Variants in MARCHF1 observed in about 807,000 individuals in gnomAD.
The protein encoded by MARCHF1 is E3 ubiquitin-protein ligase MARCHF1.
A neutral mutation model predicts 54.2 loss-of-function variants in MARCHF1; 40 were observed. The ratio of observed to expected loss-of-function variants is 0.74; its 90% CI spans 0.57 to 0.96. MARCHF1 has a LOEUF of 0.96. Ranked by LOEUF, MARCHF1 falls within the 40% of genes least tolerant of loss-of-function variation. The pLI, the probability that MARCHF1 is intolerant of heterozygous loss-of-function variation, is 0.00. For synonymous variants in MARCHF1, 236 were observed against 236.3 expected (o/e 1.00, Z 0.01); for missense variants, 586 against 656.5 (o/e 0.89, Z 1.17).
rs144138838 is a variant in MARCHF1 at position 163,683,982 on chromosome 4, A to ATC, written c.162+16829_162+16830dup. Among the ~76,000 whole-genome samples, 782 of 151,474 alleles carry ATC rather than the reference A, an allele frequency of 5.2e-3. 6 individuals are homozygous for ATC. The highest frequency in any genetic ancestry group is 0.014 in the Middle Eastern group (4 of 294). ...CTGAAACAGCTGAAGCTCCTTGGGC[A>ATC]TCTCTCTCTCTCTCTGGAAACCGTG... On this transcript the variant is annotated intron_variant, in intron 5 of 9. Transcript: ENST00000514618.
chr4:164,050,375 A>G (rs976339338), intron 2 of MARCHF1, among the ~76,000 whole-genome samples: 1 of 151,198 alleles, frequency 6.6e-6, no homozygotes, highest in African/African-American at 2.4e-5. Flanking sequence ...CATTTCTTCA[A>G]TAGCACATAT....
intron 1 of MARCHF1, among the ~76,000 whole-genome samples, chr4:164,335,513 C>T (rs1015341487): frequency 5.9e-4 from 88 of 150,060 alleles, no homozygotes; most frequent in African/African-American, 2.1e-3. Context: ...ACCCGGGAGG[C>T]GGAGCTTGCA....
At chr4:164,010,545 A>G (rs1753399367) in intron 2 of MARCHF1, among the ~76,000 whole-genome samples, 1 of 152,184 alleles carries the variant, frequency 6.6e-6, no homozygotes, top group African/African-American at 2.4e-5. Flanking sequence ...AAAATAAAAT[A>G]CCTAGAAATA....
At chr4:164,209,775 T>C (rs1731713968) in intron 1 of MARCHF1, among the ~76,000 whole-genome samples, 1 of 152,176 alleles carries the variant, frequency 6.6e-6, no homozygotes, top group Non-Finnish European at 1.5e-5. Context: ...TTTGTATAAT[T>C]GGAATATTTT....
At chr4:163,619,689 G>A (rs1741619226) in intron 5 of MARCHF1, among the ~76,000 whole-genome samples, 2 of 151,696 alleles carry the variant, frequency 1.3e-5, no homozygotes, top group South Asian at 2.1e-4. Flanking sequence ...AAAAAATGGC[G>A]TTGACTGGTC....
chr4:163,619,549 G>A (rs78154571), intron 5 of MARCHF1, among the ~76,000 whole-genome samples: 1,743 of 152,118 alleles, frequency 0.011, 27 homozygotes, highest in African/African-American at 0.037. Flanking sequence ...GAATATGCAC[G>A]TGGCACAGGG....
rs370388356 is a variant in MARCHF1 at position 164,313,000 on chromosome 4, T to C, written c.-323+70870A>G. On this transcript the variant is annotated intron_variant, in intron 1 of 9. Coordinates refer to ENST00000514618, the MANE Select transcript of MARCHF1 (RefSeq NM_001394959.1). ...ATGCTAAGGATGTTGGCATTAAGGA[T>C]GCCTTGTCTTTCTCTGAAAAAAATC... Among the ~76,000 whole-genome samples, 162 of 150,728 alleles carry C rather than the reference T, an allele frequency of 1.1e-3. 2 individuals carry two copies. Among genetic ancestry groups the C allele is most frequent in the African/African-American group, 3.8e-3 (154 of 41,040 alleles).
chr4:164,256,821 C>G (rs567207440), intron 1 of MARCHF1, among the ~76,000 whole-genome samples: 34 of 152,268 alleles, frequency 2.2e-4, no homozygotes, highest in Non-Finnish European at 4.0e-4. Context: ...GGAACATAAA[C>G]TGGTACAGTC....
chr4:163,644,564 T>C (rs1466910728), intron 5 of MARCHF1, among the ~76,000 whole-genome samples: 1 of 152,068 alleles, frequency 6.6e-6, no homozygotes, highest in Non-Finnish European at 1.5e-5. Context: ...ATCCTGAAAC[T>C]GAATCCAAGC....
At chr4:163,952,726 C>T (rs897314845) in intron 3 of MARCHF1, among the ~76,000 whole-genome samples, 1 of 152,118 alleles carries the variant, frequency 6.6e-6, no homozygotes, top group African/African-American at 2.4e-5. Flanking sequence ...AGACACAATG[C>T]CTGCCAGCTA....
At chr4:163,645,755 C>A (rs1290789281) in intron 5 of MARCHF1, among the ~76,000 whole-genome samples, 1 of 152,052 alleles carries the variant, frequency 6.6e-6, no homozygotes, top group Non-Finnish European at 1.5e-5. Flanking sequence ...AATTAAAAAG[C>A]TTGAAGACAG....
At chr4:164,251,172 T>C (rs372749436) in intron 1 of MARCHF1, among the ~76,000 whole-genome samples, 2 of 152,324 alleles carry the variant, frequency 1.3e-5, no homozygotes, top group East Asian at 3.9e-4. Flanking sequence ...TATTCATTTC[T>C]GAAATATATT....
At chr4:164,165,042 A>G (rs1006594749) in intron 1 of MARCHF1, among the ~76,000 whole-genome samples, 2 of 152,054 alleles carry the variant, frequency 1.3e-5, no homozygotes, top group African/African-American at 4.8e-5. Flanking sequence ...AATTACCTAC[A>G]GAAGGGGATC....
intron 4 of MARCHF1, among the ~76,000 whole-genome samples, chr4:163,706,766 A>C (rs547841094): frequency 2.7e-4 from 41 of 152,134 alleles, no homozygotes; most frequent in African/African-American, 9.6e-4. Context: ...ATCTTAAAAA[A>C]CAATGTTCTT....
intron 1 of MARCHF1, among the ~76,000 whole-genome samples, chr4:164,206,491 A>T (rs1419759030): frequency 6.6e-6 from 1 of 152,190 alleles, no homozygotes; most frequent in African/African-American, 2.4e-5. Context: ...AAAGCTTTTT[A>T]CTATTTTTTA....
At chr4:163,860,759 G>A (rs1487264400) in intron 3 of MARCHF1, among the ~76,000 whole-genome samples, 2 of 152,174 alleles carry the variant, frequency 1.3e-5, no homozygotes, top group Admixed American at 6.6e-5. Context: ...TACTTGGGGA[G>A]CCCAAAGGCA....
chr4:163,742,793 A>G (rs1373314167), intron 4 of MARCHF1, among the ~76,000 whole-genome samples: 1 of 152,210 alleles, frequency 6.6e-6, no homozygotes, highest in Non-Finnish European at 1.5e-5. Flanking sequence ...TTCTGAATCT[A>G]AGATGGGAGA....
chr4:164,278,918 T>C (rs563039114), intron 1 of MARCHF1, among the ~76,000 whole-genome samples: 1 of 152,154 alleles, frequency 6.6e-6, no homozygotes, highest in South Asian at 2.1e-4. Context: ...CTCACCAATA[T>C]ACTATGTACA....
intron 3 of MARCHF1, among the ~76,000 whole-genome samples, chr4:163,905,993 C>T (rs543261644): frequency 3.7e-4 from 57 of 152,152 alleles, no homozygotes; most frequent in African/African-American, 1.3e-3. Flanking sequence ...ATAATTCAGA[C>T]TAACTTCATG....
Sources: gnomAD v4.1 joint callset for allele counts (sites outside exome capture counted in the v4.1 genomes callset) on GRCh38, gnomAD v4.1.1 for gene constraint, MANE v1.5 for transcripts, NCBI Gene and HGNC (gene_info 2026-07-23, HGNC 2026-07-21) for gene names.